The following MGAT4C variants were observed in gnomAD, a reference collection of about 807,000 sequenced individuals.
The protein encoded by MGAT4C is MGAT4 family member C.
In MGAT4C, 19 loss-of-function variants were observed where a neutral mutation model predicts 40.1. The ratio of observed to expected loss-of-function variants is 0.47; its 90% CI spans 0.33 to 0.70. The LOEUF is 0.70. Ranked by LOEUF, MGAT4C falls within the 30% of genes least tolerant of loss-of-function variation. The pLI is 0.02. For synonymous variants in MGAT4C, 181 were observed against 187.1 expected, an observed-to-expected ratio of 0.97 and a Z score of 0.27; for missense variants, 491 against 563.2, an observed-to-expected ratio of 0.87 and a Z score of 1.30.
At chr12:86,092,078 C>T (rs1170115626) in intron 1 of MGAT4C, among the ~76,000 whole-genome samples, 2 of 152,070 alleles carry the variant, frequency 1.3e-5, no homozygotes, top group African/African-American at 4.8e-5. Context: ...CTCTGATATA[C>T]GACAGGACAA....
intron 1 of MGAT4C, among the ~76,000 whole-genome samples, chr12:86,065,341 C>T (rs539326359): frequency 6.6e-6 from 1 of 152,296 alleles, no homozygotes; most frequent in African/African-American, 2.4e-5. Flanking sequence ...AATCCAGCAG[C>T]ACATCAAAGC....
At chr12:86,450,411 C>T (rs924277482) in intron 2 of MGAT4C, among the ~76,000 whole-genome samples, 17 of 151,962 alleles carry the variant, frequency 1.1e-4, no homozygotes, top group Non-Finnish European at 1.8e-4. Flanking sequence ...TAACACATTC[C>T]CTGACAATTA....
At chr12:86,328,969 G>C (rs1307440176) in intron 4 of MGAT4C, among the ~76,000 whole-genome samples, 2 of 151,868 alleles carry the variant, frequency 1.3e-5, no homozygotes, top group Non-Finnish European at 2.9e-5. Context: ...GTGGTGTGGT[G>C]GTGGGTGCCT....
intron 1 of MGAT4C, among the ~76,000 whole-genome samples, chr12:86,219,981 T>C (rs1950819682): frequency 6.6e-6 from 1 of 152,112 alleles, no homozygotes; most frequent in South Asian, 2.1e-4. Flanking sequence ...CCTTTCATGA[T>C]TGAGAACCCA....
intron 1 of MGAT4C, among the ~76,000 whole-genome samples, chr12:86,255,578 C>G (rs1952482678): frequency 6.6e-6 from 1 of 151,780 alleles, no homozygotes. Context: ...TATTATGCAC[C>G]AAAAAGCATA....
At chr12:86,578,436 G>C (rs1715180343) in intron 2 of MGAT4C, among the ~76,000 whole-genome samples, 1 of 151,832 alleles carries the variant, frequency 6.6e-6, no homozygotes, top group African/African-American at 2.4e-5. Context: ...AATTGTTTAA[G>C]TAGGATTGGT....
intron 1 of MGAT4C, among the ~76,000 whole-genome samples, chr12:86,121,639 C>T (rs1327760099): frequency 1.3e-5 from 2 of 152,130 alleles, no homozygotes; most frequent in Non-Finnish European, 2.9e-5. Flanking sequence ...TCATATCCAG[C>T]CAAACTAAGC....
chr12:86,369,592 C>T (rs1955677669), intron 3 of MGAT4C, among the ~76,000 whole-genome samples: 1 of 151,992 alleles, frequency 6.6e-6, no homozygotes, highest in Non-Finnish European at 1.5e-5. Flanking sequence ...CAATCACATG[C>T]AGTAATTCTG....
intron 2 of MGAT4C, among the ~76,000 whole-genome samples, chr12:86,042,727 G>T (rs10083010): frequency 1.3e-5 from 2 of 151,866 alleles, no homozygotes; most frequent in African/African-American, 4.8e-5. Context: ...AATTAGCTGG[G>T]CGTGGTGGCA....
chr12:86,744,858 A>G (rs1252212792), intron 1 of MGAT4C, among the ~76,000 whole-genome samples: 1 of 151,498 alleles, frequency 6.6e-6, no homozygotes, highest in Non-Finnish European at 1.5e-5. Flanking sequence ...GAACAATTTT[A>G]TGACAAGGAT....
chr12:86,553,016 T>G (rs1395678205), intron 2 of MGAT4C, among the ~76,000 whole-genome samples: 3 of 152,090 alleles, frequency 2.0e-5, no homozygotes, highest in African/African-American at 7.2e-5. Flanking sequence ...TTCTTAGTGA[T>G]GAAGAATACA....
chr12:86,233,136 C>T (rs534525996), intron 1 of MGAT4C, among the ~76,000 whole-genome samples: 45 of 151,994 alleles, frequency 3.0e-4, no homozygotes, highest in Non-Finnish European at 4.9e-4. Flanking sequence ...TGTAGTGTTA[C>T]GAATTTTGCA....
intron 2 of MGAT4C, among the ~76,000 whole-genome samples, chr12:86,486,977 A>G (rs543531728): frequency 6.6e-6 from 1 of 152,302 alleles, no homozygotes; most frequent in African/African-American, 2.4e-5. Flanking sequence ...TGGATATACC[A>G]ATCAGGGGAA....
At chr12:86,110,267 A>T (rs368261214) in intron 1 of MGAT4C, among the ~76,000 whole-genome samples, 1 of 26,076 alleles carries the variant, frequency 3.8e-5, no homozygotes, top group African/African-American at 2.6e-4. Context: ...ATATATATAG[A>T]CTATATATAT....
intron 1 of MGAT4C, among the ~76,000 whole-genome samples, chr12:86,819,893 T>C (rs1399194565): frequency 6.6e-6 from 1 of 150,500 alleles, no homozygotes; most frequent in East Asian, 1.9e-4. Flanking sequence ...AGAATGAGTA[T>C]TTAACAAATA....
At chr12:86,332,217 G>C (rs961717958) in intron 4 of MGAT4C, among the ~76,000 whole-genome samples, 3 of 152,064 alleles carry the variant, frequency 2.0e-5, no homozygotes, top group Admixed American at 6.6e-5. Context: ...GTCACGGCAT[G>C]CTAAAAATAC....
chr12:86,835,783 T>C (rs1416905492), intron 1 of MGAT4C, among the ~76,000 whole-genome samples: 1 of 151,866 alleles, frequency 6.6e-6, no homozygotes, highest in African/African-American at 2.4e-5. Flanking sequence ...ACATGCTCAA[T>C]GCATTATTTT....
chr12:85,993,784 A>C (rs1019636286), intron 2 of MGAT4C, among the ~76,000 whole-genome samples: 8 of 152,222 alleles, frequency 5.3e-5, no homozygotes, highest in Non-Finnish European at 4.4e-5. Flanking sequence ...AGAGGCTTCC[A>C]GTAGCCACCT....
intron 3 of MGAT4C, among the ~76,000 whole-genome samples, chr12:86,347,094 A>G (rs1020040873): frequency 6.6e-6 from 1 of 152,104 alleles, no homozygotes; most frequent in Admixed American, 6.6e-5. Context: ...CTGATCCACC[A>G]CTGGCCTCTT....
Sources: allele counts gnomAD v4.1 joint callset (sites outside exome capture counted in the v4.1 genomes callset), GRCh38; gene constraint gnomAD v4.1.1; transcripts MANE v1.5; gene names NCBI Gene and HGNC (gene_info 2026-07-23, HGNC 2026-07-21).